CACNA2D3: variants seen among roughly 807,000 people sequenced by gnomAD.
CACNA2D3 encodes the protein calcium voltage-gated channel auxiliary subunit alpha2delta 3.
A neutral mutation model predicts 160.6 loss-of-function variants in CACNA2D3; 60 were observed. The ratio of observed to expected loss-of-function variants is 0.37; its 90% CI spans 0.30 to 0.46. CACNA2D3 has a LOEUF of 0.46. CACNA2D3 is among the 20% of genes least tolerant of loss of function. The pLI, the probability that CACNA2D3 is intolerant of heterozygous loss-of-function variation, is 1.00. For synonymous variants in CACNA2D3, 558 were observed against 492.9 expected, an observed-to-expected ratio of 1.13 and a Z score of -1.75; for missense variants, 1,205 against 1,365.0, an observed-to-expected ratio of 0.88 and a Z score of 1.85.
chr3:54,284,646 G>A (rs1028746624), intron 2 of CACNA2D3, among the ~76,000 whole-genome samples: 3 of 152,160 alleles, frequency 2.0e-5, no homozygotes, highest in Admixed American at 2.0e-4. Context: ...TGAGAATAAA[G>A]TGTAAAAAAT....
chr3:55,072,140 A>T (rs1337511969), intron 35 of CACNA2D3, among the ~76,000 whole-genome samples: 1 of 152,248 alleles, frequency 6.6e-6, no homozygotes, highest in Non-Finnish European at 1.5e-5. Context: ...CTGAGGCCAG[A>T]TATAGTTCTA....
intron 11 of CACNA2D3, among the ~76,000 whole-genome samples, chr3:54,682,507 T>C (rs1235016233): frequency 3.9e-5 from 6 of 152,016 alleles, no homozygotes; most frequent in African/African-American, 1.4e-4. Flanking sequence ...AGGCCTATAA[T>C]CTCAGCTACT....
At chr3:54,569,415 ACT>A (rs1254554966) in intron 6 of CACNA2D3, among the ~76,000 whole-genome samples, 2 of 150,980 alleles carry the variant, frequency 1.3e-5, no homozygotes, top group Non-Finnish European at 3.0e-5. Context: ...GACGGGCCAG[ACT>A]CTGCCCAGAG....
At chr3:54,221,019 A>G (rs1187483436) in intron 2 of CACNA2D3, among the ~76,000 whole-genome samples, 1 of 152,104 alleles carries the variant, frequency 6.6e-6, no homozygotes, top group East Asian at 1.9e-4. Context: ...GGAGGTGAGG[A>G]AGAATTTGCT....
At chr3:54,868,080 G>A (rs1409780653) in intron 17 of CACNA2D3, among the ~76,000 whole-genome samples, 1 of 152,172 alleles carries the variant, frequency 6.6e-6, no homozygotes, top group Non-Finnish European at 1.5e-5. Context: ...GCCTTTTAAT[G>A]TAGTTTCTTA....
Position 54,143,413 on chromosome 3 carries a change from A to G in CACNA2D3, c.204+19819A>G, listed in dbSNP as rs1261798455. 3.3e-5 allele frequency among the ~76,000 whole-genome samples: 5 copies of G among 152,362 alleles called. No individual in the cohort carries two copies. The East Asian group carries it at 5.8e-4, about 18-fold the overall frequency. ...AAACATTGCCTGTTCACTATGGAAA[A>G]TTTTGGAAATAATGGATAAATCAAA... On this transcript the variant is annotated intron_variant, in intron 2 of 37. Transcript: ENST00000474759.
At chr3:54,174,153 T>G (rs779516383) in intron 2 of CACNA2D3, among the ~76,000 whole-genome samples, 13 of 152,178 alleles carry the variant, frequency 8.5e-5, no homozygotes, top group African/African-American at 1.2e-4. Context: ...CCAGTACAAT[T>G]TCATGTACAA....
At chr3:54,413,291 A>G (rs895506182) in intron 4 of CACNA2D3, among the ~76,000 whole-genome samples, 8 of 151,050 alleles carry the variant, frequency 5.3e-5, no homozygotes, top group African/African-American at 1.9e-4. Flanking sequence ...GTTCTCCTGT[A>G]TTCAGTGAGT....
At chr3:54,503,038 C>G (rs1346217376) in intron 4 of CACNA2D3, among the ~76,000 whole-genome samples, 2 of 152,164 alleles carry the variant, frequency 1.3e-5, no homozygotes, top group Admixed American at 6.5e-5. Flanking sequence ...TGTATAAACA[C>G]ACAGTCCTTC....
chr3:54,814,576 G>A (rs1309862008), intron 13 of CACNA2D3, among the ~76,000 whole-genome samples: 1 of 152,222 alleles, frequency 6.6e-6, no homozygotes, highest in Non-Finnish European at 1.5e-5. Flanking sequence ...GTCCAGCCTG[G>A]TGAGGGCATC....
chr3:54,554,632 C>T (rs1702212129), intron 5 of CACNA2D3, among the ~76,000 whole-genome samples: 1 of 152,050 alleles, frequency 6.6e-6, no homozygotes, highest in Non-Finnish European at 1.5e-5. Context: ...GAGCCGCTCT[C>T]ATCTGGCTTC....
chr3:54,980,795 A>C (rs1702490162), intron 29 of CACNA2D3, among the ~76,000 whole-genome samples: 2 of 152,242 alleles, frequency 1.3e-5, no homozygotes, highest in Non-Finnish European at 2.9e-5. Context: ...ACCTTAAAAT[A>C]TTTAGCAAAG....
chr3:54,666,025 A>C (rs913940347), intron 11 of CACNA2D3, among the ~76,000 whole-genome samples: 1 of 152,100 alleles, frequency 6.6e-6, no homozygotes, highest in Non-Finnish European at 1.5e-5. Flanking sequence ...GAGTATTTGG[A>C]TGGATGGATG....
chr3:54,918,692 A>G, intron 27 of CACNA2D3: 1 of 1,614,144 alleles, frequency 6.2e-7, no homozygotes, highest in Non-Finnish European at 8.5e-7. Context: ...TCGCACTCCA[A>G]GAGTTCTCGC....
chr3:54,313,044 G>A (rs1703774834), intron 2 of CACNA2D3, among the ~76,000 whole-genome samples: 1 of 152,142 alleles, frequency 6.6e-6, no homozygotes, highest in South Asian at 2.1e-4. Context: ...TGCCAAGAGG[G>A]AAAAATAAGG....
chr3:54,778,505 C>G (rs1702465861), intron 13 of CACNA2D3, among the ~76,000 whole-genome samples: 1 of 152,104 alleles, frequency 6.6e-6, no homozygotes, highest in Non-Finnish European at 1.5e-5. Flanking sequence ...CTCTGACCTC[C>G]TTGGATGGAC....
chr3:54,457,755 T>G (rs916896025), intron 4 of CACNA2D3, among the ~76,000 whole-genome samples: 1 of 152,080 alleles, frequency 6.6e-6, no homozygotes, highest in Non-Finnish European at 1.5e-5. Context: ...CATATATACA[T>G]GTGCTCTGGT....
chr3:54,247,525 A>G lies in CACNA2D3; in HGVS notation c.205-72917A>G, dbSNP rs555679045. Among the ~76,000 whole-genome samples, 3 of 152,334 alleles carry G rather than the reference A, an allele frequency of 2.0e-5. No homozygotes were observed. In the South Asian group the frequency reaches 6.2e-4, roughly 32 times the overall value. ...AGAAGGAACACAAGAGCAAATAAAC[A>G]CAACAGATAATGCCTTAAATTAAGT... On this transcript the variant is annotated intron_variant, in intron 2 of 37. Coordinates refer to ENST00000474759, the MANE Select transcript of CACNA2D3 (RefSeq NM_018398.3).
At chr3:54,237,534 C>A (rs571334450) in intron 2 of CACNA2D3, among the ~76,000 whole-genome samples, 1 of 152,170 alleles carries the variant, frequency 6.6e-6, no homozygotes, top group African/African-American at 2.4e-5. Context: ...TAGATTTACA[C>A]GGTAAAGATT....
Sources: allele counts gnomAD v4.1 joint callset (sites outside exome capture counted in the v4.1 genomes callset), GRCh38; gene constraint gnomAD v4.1.1; transcripts MANE v1.5; gene names NCBI Gene and HGNC (gene_info 2026-07-23, HGNC 2026-07-21).